Variants in PCNX2 observed in about 807,000 individuals in gnomAD.
PCNX2 encodes pecanex 2.
PCNX2 carries 168 observed loss-of-function variants against 223.8 expected under a neutral mutation model. The observed-to-expected ratio is 0.75, with a 90% confidence interval of 0.66 to 0.85. The LOEUF (loss-of-function observed/expected upper bound fraction) is 0.85, where lower values mean the gene tolerates loss of function less well. Among genes scored for constraint, PCNX2 ranks in the 40% least tolerant of loss-of-function variants. PCNX2 has a pLI of 0.00. For missense variants in PCNX2, 2,507 were observed against 2,675.5 expected (o/e 0.94, Z 1.39); for synonymous variants, 1,006 against 1,052.6 (o/e 0.96, Z 0.86).
intron 32 of PCNX2, among the ~76,000 whole-genome samples, chr1:232,996,561 G>T (rs72759994): frequency 0.24 from 35,927 of 151,950 alleles, 4,503 homozygotes; most frequent in African/African-American, 0.3. Context: ...TTTGAGCAGC[G>T]GATACCACCT....
chr1:233,282,242 G>C (rs534657698), intron 1 of PCNX2, among the ~76,000 whole-genome samples: 3 of 152,012 alleles, frequency 2.0e-5, no homozygotes, highest in African/African-American at 4.8e-5. Flanking sequence ...TGAGTGTAGC[G>C]CTCCTGGGGC....
Position 233,119,592 on chromosome 1 carries a change from AAAAAACAAAAAC to A in PCNX2, c.3837+15409_3837+15420del, listed in dbSNP as rs1303548556. On this transcript the variant is annotated intron_variant, in intron 21 of 33. Transcript: ENST00000258229. ...AGAACGAGACCTTGTCTCAAAAAAAAAAAAACAAAAACAAAAACAAAACAAAACAAAAAAACG... is the reference window on the plus strand; with the variant it reads ...AGAACGAGACCTTGTCTCAAAAAAAAAAAAACAAAACAAAACAAAAAAACG... 2.6e-3 allele frequency among the ~76,000 whole-genome samples: 380 copies of A among 144,074 alleles called. 9 individuals carry two copies. In the East Asian group the frequency reaches 0.068, roughly 26 times the overall value. 94.5% of individuals were successfully genotyped at this position (144,074 alleles called of 152,430 possible).
intron 12 of PCNX2, among the ~76,000 whole-genome samples, chr1:233,217,419 C>G (rs1048511687): frequency 2.0e-5 from 3 of 152,142 alleles, no homozygotes; most frequent in Non-Finnish European, 4.4e-5. Context: ...TGAGCAATCT[C>G]TATGTGTCAG....
intron 17 of PCNX2, among the ~76,000 whole-genome samples, chr1:233,171,207 G>C (rs1679134850): frequency 6.6e-6 from 1 of 151,716 alleles, no homozygotes; most frequent in South Asian, 2.1e-4. Flanking sequence ...GTTTAATGCA[G>C]TTAATATTTA....
At chr1:233,120,639 G>T (rs1384730281) in intron 21 of PCNX2, among the ~76,000 whole-genome samples, 1 of 152,090 alleles carries the variant, frequency 6.6e-6, no homozygotes, top group Non-Finnish European at 1.5e-5. Flanking sequence ...AATATTGTGT[G>T]AAAAAGTCTT....
intron 23 of PCNX2, among the ~76,000 whole-genome samples, chr1:233,081,697 C>G (rs914281639): frequency 6.6e-6 from 1 of 152,218 alleles, no homozygotes; most frequent in African/African-American, 2.4e-5. Context: ...AGTATGAAAA[C>G]TCAAAGCTCA....
intron 1 of PCNX2, among the ~76,000 whole-genome samples, chr1:233,263,825 C>T (rs1318763389): frequency 2.0e-5 from 3 of 152,116 alleles, no homozygotes; most frequent in Admixed American, 6.5e-5. Context: ...TCTTAAAGGC[C>T]AGAGATGTAT....
intron 26 of PCNX2, among the ~76,000 whole-genome samples, chr1:233,018,421 C>T (rs957695240): frequency 1.3e-5 from 2 of 152,198 alleles, no homozygotes; most frequent in Non-Finnish European, 2.9e-5. Flanking sequence ...ATCTGTGATA[C>T]ATTCACAAGT....
chr1:233,085,831 C>G (rs927562393), intron 23 of PCNX2, among the ~76,000 whole-genome samples: 1 of 152,132 alleles, frequency 6.6e-6, no homozygotes, highest in Non-Finnish European at 1.5e-5. Flanking sequence ...TAGTCCCCAG[C>G]AGTTCCGATT....
Position 233,259,327 on chromosome 1 carries a change from C to T in PCNX2, c.535G>A (p.Asp179Asn), listed in dbSNP as rs1020116585. The T allele has an allele frequency of 4.3e-6, 7 of 1,610,952 alleles. No homozygotes were observed. In the African/African-American group the frequency reaches 9.4e-5, roughly 22 times the overall value. ...GATGACACTGGTGCTATGGGATGGT[C>T]TTCTAATAGAATGACACCTGAAATG... ...EDLKGVILLE[D>N]HPIAPVSSTS... The change falls in exon 5 of 34, where the codon GAC becomes AAC. Residue 179 changes from aspartate (D) to asparagine (N), a missense_variant. By Grantham distance (23) the Asp-to-Asn change is conservative (BLOSUM62 1). This residue lies in a region of PCNX2 where 1,031 missense variants were observed against 1,021.7 expected (regional missense o/e 1.01). Transcript: ENST00000258229.
At chr1:233,092,950 T>C (rs1450595635) in intron 22 of PCNX2, among the ~76,000 whole-genome samples, 31 of 152,156 alleles carry the variant, frequency 2.0e-4, no homozygotes, top group African/African-American at 5.1e-4. Flanking sequence ...AGGCGCCCAC[T>C]ACCATGCCCG....
chr1:233,176,824 T>A (rs1354498031), intron 17 of PCNX2, among the ~76,000 whole-genome samples: 1 of 152,104 alleles, frequency 6.6e-6, no homozygotes, highest in Non-Finnish European at 1.5e-5. Flanking sequence ...CCATCCTGGT[T>A]AACACGGTGA....
chr1:233,009,169 G>A (rs1670382540), intron 28 of PCNX2, among the ~76,000 whole-genome samples: 1 of 152,124 alleles, frequency 6.6e-6, no homozygotes, highest in African/African-American at 2.4e-5. Context: ...CATCTCTCAT[G>A]CCTTCAGAGA....
intron 25 of PCNX2, among the ~76,000 whole-genome samples, chr1:233,049,669 C>G (rs1438326760): frequency 6.6e-6 from 1 of 152,134 alleles, no homozygotes; most frequent in African/African-American, 2.4e-5. Context: ...GTCAAAATAT[C>G]TCTCTTCACT....
At chr1:233,156,426 A>G (rs1678128066) in intron 19 of PCNX2, among the ~76,000 whole-genome samples, 1 of 152,166 alleles carries the variant, frequency 6.6e-6, no homozygotes. Context: ...AACGCAGTTC[A>G]GCATTTGTGA....
chr1:233,252,340 C>T lies in PCNX2; in HGVS notation c.2128+14G>A, dbSNP rs981317826. 5.6e-6 allele frequency: 9 copies of T among 1,595,322 alleles called. No homozygotes were observed. The highest frequency in any genetic ancestry group is 6.9e-6 in the Non-Finnish European group (8 of 1,167,738). ...TCCCTGCTTGTTCATTAGTAAAGAG[C>T]TCCAAAGACTCACCATGTTCATCAA... is the stretch of plus-strand genomic sequence containing the variant. On this transcript the variant is annotated intron_variant, in intron 7 of 33. Coordinates refer to ENST00000258229, the MANE Select transcript of PCNX2 (RefSeq NM_014801.4).
Position 233,000,963 on chromosome 1 carries a change from G to A in PCNX2, c.5098-428C>T, listed in dbSNP as rs1412038334. Among the ~76,000 whole-genome samples the A allele has an allele frequency of 6.6e-6, 1 of 152,146 alleles. No individual in the cohort carries two copies. Among genetic ancestry groups the A allele is most frequent in the African/African-American group, 2.4e-5 (1 of 41,430 alleles). On this transcript the variant is annotated intron_variant, in intron 29 of 33. Coordinates refer to ENST00000258229, the MANE Select transcript of PCNX2 (RefSeq NM_014801.4). The surrounding 1 kb of genome is among the most constrained non-coding windows in gnomAD (Gnocchi z 4.6). ...TACCTAAGTAATAAACCCACTTACAGTGCTGTGCAGAGAAAGGAGACCATA... is the reference window on the plus strand; with the variant it reads ...TACCTAAGTAATAAACCCACTTACAATGCTGTGCAGAGAAAGGAGACCATA...
intron 23 of PCNX2, chr1:233,089,756 TG>T: frequency 1.8e-6 from 1 of 560,932 alleles, no homozygotes; most frequent in Non-Finnish European, 2.5e-6. Context: ...ACATTAACAG[TG>T]GCTTGTACCT....
intron 17 of PCNX2, among the ~76,000 whole-genome samples, chr1:233,171,661 C>T (rs1350471850): frequency 6.6e-6 from 1 of 152,086 alleles, no homozygotes; most frequent in Non-Finnish European, 1.5e-5. Flanking sequence ...GGTGCGGATT[C>T]TTTTTTCTTT....
Sources: allele counts gnomAD v4.1 joint callset (sites outside exome capture counted in the v4.1 genomes callset), GRCh38; gene constraint gnomAD v4.1.1; regional missense constraint gnomAD v4.1.1; non-coding constraint Gnocchi (gnomAD v3.1); transcripts MANE v1.5; gene names NCBI Gene and HGNC (gene_info 2026-07-23, HGNC 2026-07-21).